The following ABCC8 variants were observed in gnomAD, a reference collection of about 807,000 sequenced individuals.
ABCC8 encodes ATP-binding cassette sub-family C member 8.
ABCC8 carries 137 observed loss-of-function variants against 188.0 expected under a neutral mutation model. The ratio of observed to expected loss-of-function variants is 0.73; its 90% CI spans 0.63 to 0.84. ABCC8 has a LOEUF of 0.84. ABCC8 is among the 40% of genes least tolerant of loss of function. The pLI, the probability that ABCC8 is intolerant of heterozygous loss-of-function variation, is 0.00. For missense variants in ABCC8, 1,750 were observed against 2,072.7 expected, an observed-to-expected ratio of 0.84 and a Z score of 3.02; for synonymous variants, 797 against 846.5, an observed-to-expected ratio of 0.94 and a Z score of 1.01.
At chr11:17,450,021 A>T (rs1198589507) in intron 7 of ABCC8, among the ~76,000 whole-genome samples, 1 of 152,226 alleles carries the variant, frequency 6.6e-6, no homozygotes, top group Admixed American at 6.5e-5. Flanking sequence ...CTGTGAAATA[A>T]AGTCTTATTA....
At chr11:17,471,635 A>G (rs2237966) in intron 2 of ABCC8, among the ~76,000 whole-genome samples, 47,576 of 152,112 alleles carry the variant, frequency 0.31, 7,501 homozygotes, top group Middle Eastern at 0.44. Flanking sequence ...TCAAAGAAAG[A>G]ATGATCTCTG....
Position 17,460,609 on chromosome 11 carries a change from C to G in ABCC8, c.890G>C (p.Arg297Thr). The change falls in exon 6 of 39, where the codon AGG becomes ACG. Residue 297 changes from arginine (R) to threonine (T), a missense_variant. Transcript: ENST00000389817. ...GAAAGTGCTGCTGAGGACCAGGCGC[C>G]TCCCGAAGGCATGGCTGAGTGCCTG... The part of the protein sequence containing the change: ...IWQALSHAFG[R>T]RLVLSSTFRI... 6.2e-7 allele frequency: 1 copy of G among 1,613,170 alleles called. No individual in the cohort carries two copies. Among genetic ancestry groups the G allele is most frequent in the Non-Finnish European group, 8.5e-7 (1 of 1,180,044 alleles).
At chr11:17,397,099 A>G (rs1211688009) in intron 32 of ABCC8, 53 bp from the exon 33 acceptor site, 1 of 1,613,906 alleles carries the variant, frequency 6.2e-7, no homozygotes, top group African/African-American at 1.3e-5. Flanking sequence ...CTAGTATCCG[A>G]AAGTGCCACC....
intron 2 of ABCC8, 94 bp from the exon 3 acceptor site, chr11:17,470,316 C>A (rs1051741834): frequency 6.3e-7 from 1 of 1,591,520 alleles, no homozygotes; most frequent in Non-Finnish European, 8.5e-7. Context: ...GAACACTGAA[C>A]CTTTATAGCA....
chr11:17,468,895 C>T (rs772506874), intron 3 of ABCC8, among the ~76,000 whole-genome samples: 1 of 152,156 alleles, frequency 6.6e-6, no homozygotes, highest in Non-Finnish European at 1.5e-5. Flanking sequence ...TTGCTTCTGC[C>T]TGGGACCCCA....
rs118127827 is a variant in ABCC8, at chr11:17,408,839, T to G, written c.2695-322A>C. Among the ~76,000 whole-genome samples, 3,080 of 152,300 alleles carry G rather than the reference T, an allele frequency of 0.02. 54 individuals carry two copies. The highest frequency in any genetic ancestry group is 0.062 in the East Asian group (322 of 5,174). On this transcript the variant is annotated intron_variant, in intron 22 of 38. Coordinates refer to ENST00000389817, the MANE Select transcript of ABCC8 (RefSeq NM_000352.6). ...GCCGTCATACACTAAGTGGGCTCAT[T>G]GTACACTACCCTTAGCTCCTCTTGA...
At chr11:17,411,576 C>T (rs1024897088) in intron 21 of ABCC8, among the ~76,000 whole-genome samples, 9 of 152,088 alleles carry the variant, frequency 5.9e-5, no homozygotes, top group African/African-American at 1.7e-4. Flanking sequence ...CTTCCTTCTT[C>T]CAACTCACTG....
At chr11:17,447,287 G>A (rs1190429056) in intron 8 of ABCC8, among the ~76,000 whole-genome samples, 1 of 152,212 alleles carries the variant, frequency 6.6e-6, no homozygotes, top group African/African-American at 2.4e-5. Flanking sequence ...AGAGCTCCGG[G>A]TGGGAGATGG....
At chr11:17,447,850 A>G (rs1956598424) in intron 8 of ABCC8, among the ~76,000 whole-genome samples, 1 of 152,226 alleles carries the variant, frequency 6.6e-6, no homozygotes, top group Non-Finnish European at 1.5e-5. Context: ...CACGCTTATT[A>G]GAGAATTTAG....
intron 21 of ABCC8, 135 bp from the exon 22 acceptor site, chr11:17,410,788 G>T (rs1250897390): frequency 1.4e-6 from 2 of 1,421,188 alleles, no homozygotes; most frequent in East Asian, 2.4e-5. Flanking sequence ...TGTGGCTTTG[G>T]ACAACTCACC....
chr11:17,406,859 C>T, intron 25 of ABCC8, 29 bp downstream of exon 25: 1 of 1,614,160 alleles, frequency 6.2e-7, no homozygotes, highest in East Asian at 2.2e-5. Flanking sequence ...TCCCCACTCC[C>T]AACCTCTGCC....
In ABCC8 at chr11:17,427,669, C is replaced by T. The variant is rs1955643566; in HGVS notation, c.2116+198G>A. ...TTGACATTAAGGCTGGCAATTTTAC[C>T]CTGTCCTTAGTGCTTCACTCCCACC... On this transcript the variant is annotated intron_variant, in intron 15 of 38. Coordinates refer to ENST00000389817, the MANE Select transcript of ABCC8 (RefSeq NM_000352.6). The surrounding 1 kb of genome is among the most constrained non-coding windows in gnomAD (Gnocchi z 5.0). Among the ~76,000 whole-genome samples, 1 of 152,112 alleles carries T rather than the reference C, an allele frequency of 6.6e-6. No homozygotes were observed. Among genetic ancestry groups the T allele is most frequent in the Admixed American group, 6.5e-5 (1 of 15,268 alleles).
chr11:17,408,481 C>A lies in ABCC8; in HGVS notation c.2731G>T (p.Gly911Cys). The change falls in exon 23 of 39, where the codon GGT becomes TGT. Residue 911 changes from glycine (G) to cysteine (C), a missense_variant. Gly to Cys is a radical substitution (Grantham distance 159). Coordinates refer to ENST00000389817, the MANE Select transcript of ABCC8 (RefSeq NM_000352.6). ...AMKDGTIQRE[G>C]TLKDFQRSEC... Reference sequence around the variant, plus strand: ...GACCTCTGGAAGTCCTTGAGGGTACCCTCCCTCTGGATGGTGCCATCCTTC... The same window carrying A: ...GACCTCTGGAAGTCCTTGAGGGTACACTCCCTCTGGATGGTGCCATCCTTC... 6.2e-7 allele frequency: 1 copy of A among 1,613,606 alleles called. No homozygotes were observed. Among genetic ancestry groups the A allele is most frequent in the Non-Finnish European group, 8.5e-7 (1 of 1,179,996 alleles).
chr11:17,402,731 T>C lies in ABCC8; in HGVS notation c.3580A>G (p.Thr1194Ala), dbSNP rs1211174431. The part of the protein sequence containing the change: ...ASRDLQQLDD[T>A]TQLPLLSHFA... The stretch of plus-strand genomic sequence containing the variant: ...TGTGAGAGAAGTGGAAGCTGGGTGG[T>C]GTCATCCAGCTGCTGCAGGTCCCTG... The change falls in exon 29 of 39, where the codon ACC (threonine) becomes GCC (alanine). Residue 1194 changes from threonine (T) to alanine (A), a missense_variant. Coordinates refer to ENST00000389817, the MANE Select transcript of ABCC8 (RefSeq NM_000352.6). 1.9e-6 allele frequency: 3 copies of C among 1,614,062 alleles called. No individual in the cohort carries two copies. Among genetic ancestry groups the C allele is most frequent in the Middle Eastern group, 1.6e-4 (1 of 6,084 alleles).
chr11:17,429,010 G>A (rs1955726331), intron 12 of ABCC8: 1 of 368,994 alleles, frequency 2.7e-6, no homozygotes. Flanking sequence ...GACTAGGATT[G>A]GTAAAGAATC....
intron 1 of ABCC8, 106 bp downstream of exon 1, chr11:17,476,523 G>A (rs969212789): frequency 4.3e-6 from 6 of 1,394,490 alleles, no homozygotes; most frequent in South Asian, 2.7e-5. Context: ...CGAGGCGGAC[G>A]GCGGTCGCGG....
rs768765920 is a variant in ABCC8, at chr11:17,443,067, C to CTCAAAG, written c.1467+105_1467+110dup. On this transcript the variant is annotated intron_variant, in intron 9 of 38. Coordinates refer to ENST00000389817, the MANE Select transcript of ABCC8 (RefSeq NM_000352.6). ...AGGCCTGGACAGGTGAAGTGGCCTA[C>CTCAAAG]TCAAAGTCAAAGTCAAAGTCAATGA... is the stretch of plus-strand genomic sequence containing the variant. 1.2e-4 allele frequency: 183 copies of CTCAAAG among 1,516,946 alleles called. No individual in the cohort carries two copies. The Middle Eastern group carries it at 2.3e-3, about 19-fold the overall frequency. The allele number at this position is 1,516,946 out of a possible 1,614,324, so 94.0% of individuals were successfully genotyped here. A position where few individuals can be genotyped will look rare whatever the true frequency, so the allele number is the denominator to read the frequency against.
At chr11:17,423,356 CAAAAAAAAAA>C (rs58524307) in intron 16 of ABCC8, among the ~76,000 whole-genome samples, 1 of 63,344 alleles carries the variant, frequency 1.6e-5, no homozygotes, top group Non-Finnish European at 2.7e-5. Flanking sequence ...GACTCCGTCT[CAAAAAAAAAA>C]AAAAAAAAAA....
intron 16 of ABCC8, among the ~76,000 whole-genome samples, chr11:17,417,428 T>C (rs189258961): frequency 1.2e-3 from 186 of 152,198 alleles, no homozygotes; most frequent in African/African-American, 4.2e-3. Context: ...TACTGTATTT[T>C]TCGTGATTTT....
Sources: gnomAD v4.1 joint callset for allele counts (sites outside exome capture counted in the v4.1 genomes callset) on GRCh38, gnomAD v4.1.1 for gene constraint, Gnocchi (gnomAD v3.1) non-coding constraint, MANE v1.5 for transcripts, NCBI Gene and HGNC (gene_info 2026-07-23, HGNC 2026-07-21) for gene names.